The following CNTNAP2 variants were observed in gnomAD, a reference collection of about 807,000 sequenced individuals.
CNTNAP2 encodes the protein contactin-associated protein-like 2.
Under a neutral mutation model 155.2 loss-of-function variants are expected in CNTNAP2, and 98 were observed. The observed-to-expected ratio is 0.63, with a 90% CI of 0.54 to 0.75. The LOEUF (loss-of-function observed/expected upper bound fraction) is 0.75. Among genes scored for constraint, CNTNAP2 ranks in the 30% least tolerant of loss-of-function variants. The pLI is 0.00. For missense variants in CNTNAP2, 1,727 were observed against 1,688.1 expected (o/e 1.02, Z -0.40); for synonymous variants, 651 against 631.2 (o/e 1.03, Z -0.47).
At chr7:146,815,665 A>G (rs1585103732) in intron 2 of CNTNAP2, among the ~76,000 whole-genome samples, 1 of 152,294 alleles carries the variant, frequency 6.6e-6, no homozygotes. Flanking sequence ...TATTTCATAG[A>G]TTTATTAAAT....
chr7:146,734,085 G>T (rs1027631233), intron 1 of CNTNAP2, among the ~76,000 whole-genome samples: 1 of 152,038 alleles, frequency 6.6e-6, no homozygotes, highest in Non-Finnish European at 1.5e-5. Flanking sequence ...CTGGTAGCTT[G>T]TACCTATGAT....
intron 13 of CNTNAP2, among the ~76,000 whole-genome samples, chr7:147,819,276 T>C (rs1798324610): frequency 1.3e-5 from 2 of 152,162 alleles, no homozygotes; most frequent in African/African-American, 4.8e-5. Context: ...AGAAAAAAGG[T>C]ACAATGGGAA....
intron 3 of CNTNAP2, among the ~76,000 whole-genome samples, chr7:146,854,549 C>T (rs1354974942): frequency 6.9e-6 from 1 of 145,210 alleles, no homozygotes; most frequent in Admixed American, 6.9e-5. Flanking sequence ...GAAATGGTAA[C>T]CAGAGAGCTT....
Position 148,413,408 on chromosome 7 carries a change from A to AT in CNTNAP2, c.3797-2008dup, listed in dbSNP as rs1490715181. Among the ~76,000 whole-genome samples the AT allele has an allele frequency of 2.1e-3, 74 of 35,392 alleles. 5 individuals are homozygous for AT. Among genetic ancestry groups the AT allele is most frequent in the Middle Eastern group, 0.027 (2 of 74 alleles). 23.2% of individuals were successfully genotyped at this position (35,392 alleles called of 152,430 possible). A position where few individuals can be genotyped will look rare whatever the true frequency, so the allele number is the denominator to read the frequency against. On this transcript the variant is annotated intron_variant, in intron 23 of 23. Coordinates refer to ENST00000361727, the MANE Select transcript of CNTNAP2 (RefSeq NM_014141.6). ...ACTCCGTCTCAAAAAAAAAATATAT[A>AT]TATATATATATATATATATATATAT...
At chr7:146,932,250 G>C (rs1021433363) in intron 3 of CNTNAP2, among the ~76,000 whole-genome samples, 3 of 152,188 alleles carry the variant, frequency 2.0e-5, no homozygotes, top group African/African-American at 7.2e-5. Flanking sequence ...GATCAAGTGG[G>C]CTTCATCCCT....
At chr7:146,502,902 G>T (rs760683694) in intron 1 of CNTNAP2, among the ~76,000 whole-genome samples, 1 of 152,116 alleles carries the variant, frequency 6.6e-6, no homozygotes, top group Non-Finnish European at 1.5e-5. Context: ...GGCAAGAGCC[G>T]CCTCAAACTG....
intron 10 of CNTNAP2, among the ~76,000 whole-genome samples, chr7:147,409,441 A>G (rs1584932070): frequency 1.3e-5 from 2 of 152,228 alleles, no homozygotes; most frequent in South Asian, 4.1e-4. Flanking sequence ...CCAAAACTAT[A>G]AACACTTTGC....
chr7:147,949,800 T>C (rs1563145429), intron 14 of CNTNAP2, among the ~76,000 whole-genome samples: 2 of 152,072 alleles, frequency 1.3e-5, no homozygotes, highest in Non-Finnish European at 2.9e-5. Flanking sequence ...AGGAATGGAT[T>C]GCTAAGAAGC....
chr7:146,238,834 A>C (rs1475148300), intron 1 of CNTNAP2, among the ~76,000 whole-genome samples: 1 of 152,190 alleles, frequency 6.6e-6, no homozygotes, highest in Non-Finnish European at 1.5e-5. Flanking sequence ...GGCGGCAGGA[A>C]GAAGTGAATG....
At chr7:147,167,483 G>A (rs1802138178) in intron 8 of CNTNAP2, 4 of 984,970 alleles carry the variant, frequency 4.1e-6, no homozygotes, top group Non-Finnish European at 4.6e-6. Context: ...CTGCCCCACT[G>A]GAGGTTGCCA....
intron 1 of CNTNAP2, among the ~76,000 whole-genome samples, chr7:146,357,588 A>AATACGG (rs1388483270): frequency 1.3e-5 from 2 of 152,220 alleles, no homozygotes; most frequent in Non-Finnish European, 1.5e-5. Flanking sequence ...TTCAAATGTT[A>AATACGG]ATACGGATAT....
chr7:148,272,247 G>A (rs1001990346), intron 21 of CNTNAP2, among the ~76,000 whole-genome samples: 2 of 152,138 alleles, frequency 1.3e-5, no homozygotes, highest in Non-Finnish European at 2.9e-5. Context: ...AATCAGCAAA[G>A]GTTCACAAAG....
chr7:147,703,614 G>A (rs143038718), intron 13 of CNTNAP2, among the ~76,000 whole-genome samples: 17 of 152,234 alleles, frequency 1.1e-4, no homozygotes, highest in African/African-American at 3.9e-4. Context: ...TGAGATACAC[G>A]TGATATTTTG....
chr7:147,649,733 A>G (rs1368053087), intron 13 of CNTNAP2, among the ~76,000 whole-genome samples: 1 of 152,052 alleles, frequency 6.6e-6, no homozygotes, highest in African/African-American at 2.4e-5. Context: ...TGTAAAAATG[A>G]AGAAACGGCT....
At chr7:147,502,943 A>G (rs532720771) in intron 11 of CNTNAP2, among the ~76,000 whole-genome samples, 2 of 152,232 alleles carry the variant, frequency 1.3e-5, no homozygotes, top group Admixed American at 6.5e-5. Flanking sequence ...TAGAAAAGCA[A>G]TAGTTGAGCG....
At chr7:147,942,230 C>T (rs1440795656) in intron 14 of CNTNAP2, among the ~76,000 whole-genome samples, 1 of 152,150 alleles carries the variant, frequency 6.6e-6, no homozygotes, top group Non-Finnish European at 1.5e-5. Context: ...AATCTGATCT[C>T]TTAACCCACC....
At chr7:148,382,997 C>T (rs73747604) in intron 21 of CNTNAP2, among the ~76,000 whole-genome samples, 2,020 of 152,252 alleles carry the variant, frequency 0.013, 44 homozygotes, top group African/African-American at 0.046. Flanking sequence ...GATGTTGAGC[C>T]TACAGGTAGT....
At chr7:147,187,370 C>T (rs1044431667) in intron 8 of CNTNAP2, among the ~76,000 whole-genome samples, 1 of 152,050 alleles carries the variant, frequency 6.6e-6, no homozygotes, top group South Asian at 2.1e-4. Context: ...CTCAGGTGCC[C>T]ATCAACGGTA....
chr7:146,120,556 A>G (rs1453514514), intron 1 of CNTNAP2, among the ~76,000 whole-genome samples: 1 of 152,162 alleles, frequency 6.6e-6, no homozygotes, highest in East Asian at 1.9e-4. Context: ...GATGATATCA[A>G]AGTTGTTTGG....
Sources: allele counts gnomAD v4.1 joint callset (sites outside exome capture counted in the v4.1 genomes callset), GRCh38; gene constraint gnomAD v4.1.1; transcripts MANE v1.5; gene names NCBI Gene and HGNC (gene_info 2026-07-23, HGNC 2026-07-21).